The following DNAH7 variants were observed in gnomAD, a reference collection of about 807,000 sequenced individuals.
The protein encoded by DNAH7 is dynein axonemal heavy chain 7, also known as axonemal beta dynein heavy chain 7.
Under a neutral mutation model 444.6 loss-of-function variants are expected in DNAH7, and 397 were observed. The ratio of observed to expected loss-of-function variants is 0.89; its 90% CI spans 0.82 to 0.97. The LOEUF (loss-of-function observed/expected upper bound fraction) is 0.97, where lower values mean the gene tolerates loss of function less well. Among genes scored for constraint, DNAH7 ranks in the 50% least tolerant of loss-of-function variants. The pLI is 0.00. For missense variants in DNAH7, 4,902 were observed against 4,800.8 expected (o/e 1.02, Z -0.62); for synonymous variants, 1,636 against 1,624.4 (o/e 1.01, Z -0.17).
intron 51 of DNAH7, among the ~76,000 whole-genome samples, chr2:195,811,661 T>C (rs1418578332): frequency 8.5e-5 from 13 of 152,100 alleles, no homozygotes; most frequent in Admixed American, 5.9e-4. Flanking sequence ...AAAAGTCTTA[T>C]AATACAAAAA....
intron 12 of DNAH7, among the ~76,000 whole-genome samples, chr2:196,000,460 G>A (rs1200723321): frequency 6.6e-6 from 1 of 152,188 alleles, no homozygotes; most frequent in Non-Finnish European, 1.5e-5. Flanking sequence ...CTTCAAACCT[G>A]ATCACAACTT....
chr2:195,744,321 G>A (rs559284528), intron 63 of DNAH7, among the ~76,000 whole-genome samples: 32 of 152,336 alleles, frequency 2.1e-4, no homozygotes, highest in African/African-American at 7.0e-4. Flanking sequence ...AGGGGCGCCC[G>A]CCATTGCCCA....
chr2:195,823,542 A>G lies in DNAH7; in HGVS notation c.9291+713T>C, dbSNP rs73986954. ...ACAGGCAAGTATTTGAATTCACTAT[A>G]TAACTCTTGCCTCTCTATATAACTT... On this transcript the variant is annotated intron_variant, in intron 49 of 64. Coordinates refer to ENST00000312428, the MANE Select transcript of DNAH7 (RefSeq NM_018897.3). 5.1e-3 allele frequency among the ~76,000 whole-genome samples: 771 copies of G among 152,150 alleles called. 6 individuals carry two copies. The highest frequency in any genetic ancestry group is 0.017 in the African/African-American group (699 of 41,504).
At chr2:196,064,815 C>CA (rs1310430167) in intron 1 of DNAH7, among the ~76,000 whole-genome samples, 2 of 152,104 alleles carry the variant, frequency 1.3e-5, no homozygotes, top group Non-Finnish European at 2.9e-5. Context: ...ACAATGTATC[C>CA]ATTCCATTCT....
intron 17 of DNAH7, 92 bp from the exon 18 acceptor site, chr2:195,961,037 C>CA: frequency 2.8e-6 from 3 of 1,072,544 alleles, no homozygotes; most frequent in Non-Finnish European, 2.5e-6. Context: ...AAATGTGAGC[C>CA]AAAAAAACCT....
rs1416830693 is a variant in DNAH7 at position 195,864,483 on chromosome 2, TCACCTTCCG to T, written c.7163_7171del (p.Ala2388_Gly2390del). On this transcript the variant is annotated inframe_deletion, in exon 41 of 65. Transcript: ENST00000312428. Reference sequence around the variant, plus strand: ...TGTAAACAGGAAGACACCCTGCATCTCACCTTCCGCACATTTCCTTAAGATCACTTTTAA... The same window carrying T: ...TGTAAACAGGAAGACACCCTGCATCTCACATTTCCTTAAGATCACTTTTAA... 6.2e-7 allele frequency: 1 copy of T among 1,614,110 alleles called. No homozygotes were observed. The highest frequency in any genetic ancestry group is 8.5e-7 in the Non-Finnish European group (1 of 1,180,052).
At chr2:195,846,467 T>C (rs1699008514) in intron 46 of DNAH7, among the ~76,000 whole-genome samples, 1 of 152,204 alleles carries the variant, frequency 6.6e-6, no homozygotes, top group Non-Finnish European at 1.5e-5. Context: ...TCAAAGAACC[T>C]AGAACTATTA....
intron 7 of DNAH7, 33 bp from the exon 8 acceptor site, chr2:196,024,537 C>T (rs1177276758): frequency 7.6e-7 from 1 of 1,318,492 alleles, no homozygotes; most frequent in Middle Eastern, 2.1e-4. Flanking sequence ...TGATAAATAA[C>T]CTTATATTAA....
chr2:195,803,503 G>T (rs546694457), intron 54 of DNAH7, among the ~76,000 whole-genome samples: 26 of 152,338 alleles, frequency 1.7e-4, no homozygotes, highest in African/African-American at 6.3e-4. Flanking sequence ...CGAGGTAAAT[G>T]AACCTGCGTT....
At chr2:196,034,281 A>T (rs1208361269) in intron 5 of DNAH7, among the ~76,000 whole-genome samples, 1 of 152,214 alleles carries the variant, frequency 6.6e-6, no homozygotes, top group Non-Finnish European at 1.5e-5. Context: ...AAATAAAATT[A>T]AATAATTTCA....
intron 2 of DNAH7, among the ~76,000 whole-genome samples, chr2:196,055,136 A>G (rs1260404715): frequency 6.6e-6 from 1 of 152,102 alleles, no homozygotes; most frequent in South Asian, 2.1e-4. Context: ...CAGGAGGATC[A>G]CTAGAGCCCA....
chr2:196,019,839 T>C (rs1695262209), intron 8 of DNAH7, among the ~76,000 whole-genome samples: 1 of 152,210 alleles, frequency 6.6e-6, no homozygotes, highest in African/African-American at 2.4e-5. Context: ...CAGTTAACCC[T>C]TGAATAACAC....
chr2:195,916,239 T>C (rs999400643), intron 24 of DNAH7, among the ~76,000 whole-genome samples: 2 of 152,202 alleles, frequency 1.3e-5, no homozygotes, highest in African/African-American at 4.8e-5. Context: ...TGATGACTTT[T>C]TAGATATGAT....
chr2:195,754,183 T>C (rs551412615), intron 63 of DNAH7, among the ~76,000 whole-genome samples, 154 bp downstream of exon 63: 1 of 152,328 alleles, frequency 6.6e-6, no homozygotes, highest in African/African-American at 2.4e-5. Context: ...CTCACTCATT[T>C]GCTCTCTGTA....
rs1477505728 is a variant in DNAH7, at chr2:195,756,180, G to T, written c.11539C>A (p.Leu3847Ile). The change falls in exon 62 of 65, where the codon CTT (leucine) becomes ATT (isoleucine). Residue 3847 changes from leucine (L) to isoleucine (I), a missense_variant. Transcript: ENST00000312428. ...AGGAAGTCATTCACATAGCTGCCAAGTGGTTTAAGGCTTGGGTAGGATTTA... is the reference window on the plus strand; with the variant it reads ...AGGAAGTCATTCACATAGCTGCCAATTGGTTTAAGGCTTGGGTAGGATTTA... Reference protein sequence around the residue: ...MGKSYPSLKPLGSYVNDFLAR... With the variant: ...MGKSYPSLKPIGSYVNDFLAR... 2 of 1,611,948 alleles carry T rather than the reference G, an allele frequency of 1.2e-6. No individual in the cohort carries two copies. Among genetic ancestry groups the T allele is most frequent in the African/African-American group, 2.7e-5 (2 of 74,862 alleles).
intron 17 of DNAH7, among the ~76,000 whole-genome samples, chr2:195,966,783 C>G (rs894798033): frequency 6.6e-6 from 1 of 152,038 alleles, no homozygotes; most frequent in Non-Finnish European, 1.5e-5. Context: ...TTTTTGTTCC[C>G]ATTGGCATGG....
At chr2:195,770,555 T>A (rs1368383771) in intron 61 of DNAH7, among the ~76,000 whole-genome samples, 1 of 152,056 alleles carries the variant, frequency 6.6e-6, no homozygotes, top group Non-Finnish European at 1.5e-5. Flanking sequence ...TACTCTTCCC[T>A]GAAACGTTCC....
chr2:195,807,785 G>C (rs1342626481), intron 53 of DNAH7, among the ~76,000 whole-genome samples: 1 of 152,188 alleles, frequency 6.6e-6, no homozygotes, highest in Non-Finnish European at 1.5e-5. Context: ...CTTCAGCATA[G>C]TAATAAAATT....
At chr2:195,930,211 C>T (rs529808433) in intron 21 of DNAH7, among the ~76,000 whole-genome samples, 16 of 152,218 alleles carry the variant, frequency 1.1e-4, no homozygotes, top group Middle Eastern at 3.4e-3. Context: ...GGTGTGGTGG[C>T]GCACGCCTGT....
Sources: allele counts gnomAD v4.1 joint callset (sites outside exome capture counted in the v4.1 genomes callset), GRCh38; gene constraint gnomAD v4.1.1; transcripts MANE v1.5; gene names NCBI Gene and HGNC (gene_info 2026-07-23, HGNC 2026-07-21).